NDFIP1: variants seen among roughly 807,000 people sequenced by gnomAD.
The protein encoded by NDFIP1 is NEDD4 family-interacting protein 1.
NDFIP1 carries 7 observed loss-of-function variants against 28.8 expected under a neutral mutation model. That is an observed-to-expected ratio of 0.24 (90% CI 0.14 to 0.46). The LOEUF is 0.46. NDFIP1 is among the 20% of genes least tolerant of loss of function. NDFIP1 has a pLI of 0.99. For synonymous variants in NDFIP1, 92 were observed against 101.0 expected (o/e 0.91, Z 0.53); for missense variants, 194 against 269.1 (o/e 0.72, Z 1.95).
intron 4 of NDFIP1, 109 bp from the exon 5 acceptor site, chr5:142,137,625 G>A: frequency 2.4e-6 from 3 of 1,271,736 alleles, no homozygotes; most frequent in Non-Finnish European, 3.3e-6. Context: ...TGGAGGACAG[G>A]CTGTCTTTTA....
At chr5:142,130,252 A>G (rs1757213527) in intron 1 of NDFIP1, among the ~76,000 whole-genome samples, 1 of 152,216 alleles carries the variant, frequency 6.6e-6, no homozygotes, top group Non-Finnish European at 1.5e-5. Context: ...TCTTTATTCT[A>G]TGAAGATGAC....
chr5:142,123,865 C>A lies in NDFIP1; in HGVS notation c.64-7943C>A, dbSNP rs945410408. Among the ~76,000 whole-genome samples the A allele has an allele frequency of 3.9e-5, 6 of 152,226 alleles. No individual in the cohort carries two copies. The East Asian group carries it at 1.2e-3, about 29-fold the overall frequency. ...TGGGCCCTGGAGCTCTGAGCTAAGC[C>A]TGAATTTTCTTATGGAACCAAGAAG... On this transcript the variant is annotated intron_variant, in intron 1 of 7. Coordinates refer to ENST00000253814, the MANE Select transcript of NDFIP1 (RefSeq NM_030571.4).
intron 7 of NDFIP1, 37 bp downstream of exon 7, chr5:142,144,713 C>A (rs1300866535): frequency 1.6e-6 from 2 of 1,271,292 alleles, no homozygotes; most frequent in African/African-American, 1.5e-5. Flanking sequence ...CCCAGTGTAA[C>A]CATGTGCTAC....
chr5:142,129,831 A>C (rs1417943828), intron 1 of NDFIP1, among the ~76,000 whole-genome samples: 1 of 151,178 alleles, frequency 6.6e-6, no homozygotes, highest in African/African-American at 2.4e-5. Flanking sequence ...GAATTGCTTG[A>C]ACCTGGGAGG....
intron 1 of NDFIP1, among the ~76,000 whole-genome samples, chr5:142,118,463 C>A (rs985566555): frequency 1.3e-5 from 2 of 152,108 alleles, no homozygotes; most frequent in Non-Finnish European, 2.9e-5. Flanking sequence ...TGGGGGAAGA[C>A]CACAGGTAAA....
rs1596793252 is a variant in NDFIP1, at chr5:142,140,492, G to C, written c.496-71G>C. 7 of 1,091,234 alleles carry C rather than the reference G, an allele frequency of 6.4e-6. No homozygotes were observed. The Admixed American group carries it at 6.9e-5, about 11-fold the overall frequency. 67.6% of individuals were successfully genotyped at this position (1,091,234 alleles called of 1,614,324 possible). A position where few individuals can be genotyped will look rare whatever the true frequency, so the allele number is the denominator to read the frequency against. On this transcript the variant is annotated intron_variant, in intron 5 of 7. Transcript: ENST00000253814. ...AATAAGTCTTGCATTTTGTGATTTT[G>C]TGTACCCTTAAGTTAAAATGAGAAA...
chr5:142,131,961 A>G (rs1757232498), intron 2 of NDFIP1, 66 bp downstream of exon 2: 1 of 423,130 alleles, frequency 2.4e-6, no homozygotes, highest in Non-Finnish European at 3.5e-6. Flanking sequence ...ATTACAGTTT[A>G]AAAAAAAAAA....
intron 4 of NDFIP1, among the ~76,000 whole-genome samples, chr5:142,137,397 C>CTGGT (rs1450098776): frequency 6.6e-6 from 1 of 152,056 alleles, no homozygotes; most frequent in Non-Finnish European, 1.5e-5. Flanking sequence ...GGTGCTCAGG[C>CTGGT]TGGTCTCAAA....
intron 1 of NDFIP1, among the ~76,000 whole-genome samples, chr5:142,111,140 A>T (rs1455718116): frequency 2.6e-5 from 4 of 151,818 alleles, no homozygotes; most frequent in Non-Finnish European, 5.9e-5. Context: ...AGCCCCGATC[A>T]TACTTGCACA....
chr5:142,138,939 C>T (rs1303688504), intron 5 of NDFIP1, among the ~76,000 whole-genome samples: 4 of 150,838 alleles, frequency 2.7e-5, no homozygotes, highest in Admixed American at 2.0e-4. Context: ...TCAAATGGGC[C>T]GGGTGCGGTG....
Position 142,114,042 on chromosome 5 carries a change from C to G in NDFIP1, c.63+5005C>G, listed in dbSNP as rs560473249. On this transcript the variant is annotated intron_variant, in intron 1 of 7. Coordinates refer to ENST00000253814, the MANE Select transcript of NDFIP1 (RefSeq NM_030571.4). Reference sequence around the variant, plus strand: ...TGAGTCTACAAATATCTTTCAAGTCCCTGCTTTCAGTTCTTTTGGATATAC... The same window carrying G: ...TGAGTCTACAAATATCTTTCAAGTCGCTGCTTTCAGTTCTTTTGGATATAC... Among the ~76,000 whole-genome samples, 16 of 152,164 alleles carry G rather than the reference C, an allele frequency of 1.1e-4. No homozygotes were observed. The East Asian group carries it at 3.1e-3, about 29-fold the overall frequency.
At chr5:142,125,313 G>C (rs1757159834) in intron 1 of NDFIP1, among the ~76,000 whole-genome samples, 1 of 152,146 alleles carries the variant, frequency 6.6e-6, no homozygotes, top group South Asian at 2.1e-4. Flanking sequence ...CTTGTTTTCA[G>C]TTCTCTTGGG....
At chr5:142,110,595 G>C (rs1757003675) in intron 1 of NDFIP1, among the ~76,000 whole-genome samples, 1 of 151,616 alleles carries the variant, frequency 6.6e-6, no homozygotes, top group Non-Finnish European at 1.5e-5. Flanking sequence ...TAATTATGCA[G>C]AATTGAAGTA....
intron 7 of NDFIP1, among the ~76,000 whole-genome samples, chr5:142,150,633 G>C (rs1163214253): frequency 6.6e-6 from 1 of 151,466 alleles, no homozygotes; most frequent in Non-Finnish European, 1.5e-5. Flanking sequence ...GGCTGAGGCA[G>C]AAGGTTGGCT....
At chr5:142,130,789 T>A (rs746566087) in intron 1 of NDFIP1, among the ~76,000 whole-genome samples, 7 of 152,148 alleles carry the variant, frequency 4.6e-5, no homozygotes, top group Non-Finnish European at 1.0e-4. Context: ...CCTGTACTCC[T>A]ATTACCTAGA....
rs1215469848 is a variant in NDFIP1, at chr5:142,108,829, A to G, written c.-146A>G. ...CGGCGGCGGTGCTTACAGCCTGAGA[A>G]GAGCGTCTCGCCCGGGAGCGGCGGC... On this transcript the variant is annotated 5_prime_UTR_variant, in exon 1 of 8. Transcript: ENST00000253814. 1 of 593,280 alleles carries G rather than the reference A, an allele frequency of 1.7e-6. No homozygotes were observed. Among genetic ancestry groups the G allele is most frequent in the South Asian group, 3.6e-5 (1 of 27,544 alleles). 36.8% of individuals were successfully genotyped at this position (593,280 alleles called of 1,614,324 possible).
rs548097384 is a variant in NDFIP1, at chr5:142,117,690, C to T, written c.63+8653C>T. Among the ~76,000 whole-genome samples the T allele has an allele frequency of 5.4e-5, 8 of 148,910 alleles. No individual in the cohort carries two copies. The East Asian group carries it at 1.6e-3, about 30-fold the overall frequency. Reference sequence around the variant, plus strand: ...CTTTCCTCCCTATCTCTTTGCAGAGCTGTAACTGCTCCTCAAGTTTGGTGT... The same window carrying T: ...CTTTCCTCCCTATCTCTTTGCAGAGTTGTAACTGCTCCTCAAGTTTGGTGT... On this transcript the variant is annotated intron_variant, in intron 1 of 7. Coordinates refer to ENST00000253814, the MANE Select transcript of NDFIP1 (RefSeq NM_030571.4).
intron 4 of NDFIP1, among the ~76,000 whole-genome samples, chr5:142,136,682 G>A (rs952103938): frequency 6.6e-6 from 1 of 150,986 alleles, no homozygotes. Flanking sequence ...TTGAACCCGG[G>A]AGGCAGAGGT....
In NDFIP1 at chr5:142,133,554, A is replaced by G. The variant is rs375223081; in HGVS notation, c.282+1212A>G. On this transcript the variant is annotated intron_variant, in intron 3 of 7. Transcript: ENST00000253814. ...TCAAACCCAGATATTCTAGAATCCA[A>G]AGTCCTTGTTTGTTTCACTGTACTC... is the stretch of plus-strand genomic sequence containing the variant. 3.9e-5 allele frequency among the ~76,000 whole-genome samples: 6 copies of G among 152,306 alleles called. No individual in the cohort carries two copies. The East Asian group carries it at 5.8e-4, about 15-fold the overall frequency.
Sources: gnomAD v4.1 joint callset for allele counts (sites outside exome capture counted in the v4.1 genomes callset) on GRCh38, gnomAD v4.1.1 for gene constraint, MANE v1.5 for transcripts, NCBI Gene and HGNC (gene_info 2026-07-23, HGNC 2026-07-21) for gene names.